Variants in PKNOX2 observed in about 807,000 individuals in gnomAD.
PKNOX2 encodes PBX/knotted 1 homeobox 2.
In PKNOX2, 14 loss-of-function variants were observed where a neutral mutation model predicts 53.1. The ratio of observed to expected loss-of-function variants is 0.26; its 90% CI spans 0.17 to 0.41. The LOEUF (loss-of-function observed/expected upper bound fraction) is 0.41, where lower values mean the gene tolerates loss of function less well. PKNOX2 is among the 10% of genes least tolerant of loss of function. PKNOX2 has a pLI of 1.00. For missense variants in PKNOX2, 496 were observed against 602.8 expected (o/e 0.82, Z 1.85); for synonymous variants, 257 against 242.8 (o/e 1.06, Z -0.54).
chr11:125,386,662 A>C (rs1953652987), intron 6 of PKNOX2, among the ~76,000 whole-genome samples: 1 of 151,856 alleles, frequency 6.6e-6, no homozygotes, highest in Non-Finnish European at 1.5e-5. Context: ...CTACTTCCAA[A>C]AGGGAAACAG....
chr11:125,301,690 TA>T (rs966830280), intron 2 of PKNOX2, among the ~76,000 whole-genome samples: 10 of 151,982 alleles, frequency 6.6e-5, no homozygotes, highest in Non-Finnish European at 1.5e-4. Flanking sequence ...TCATTAAAAA[TA>T]AAAAATAAAA....
chr11:125,389,317 A>ATC (rs1953874363), intron 6 of PKNOX2, among the ~76,000 whole-genome samples: 1 of 152,036 alleles, frequency 6.6e-6, no homozygotes, highest in African/African-American at 2.4e-5. Context: ...AGGTCAGCTG[A>ATC]CTCCTGATCC....
chr11:125,295,591 G>C (rs775767824), intron 2 of PKNOX2, among the ~76,000 whole-genome samples: 2 of 152,216 alleles, frequency 1.3e-5, no homozygotes, highest in Non-Finnish European at 2.9e-5. Context: ...AGTGGGAGAG[G>C]AGGGAAGCAG....
chr11:125,168,825 G>A (rs551658911), intron 1 of PKNOX2, among the ~76,000 whole-genome samples: 5 of 152,304 alleles, frequency 3.3e-5, no homozygotes, highest in South Asian at 2.1e-4. Context: ...ATAATACTGC[G>A]TTGTTAGCAA....
chr11:125,237,363 A>T (rs1438760222), intron 2 of PKNOX2, among the ~76,000 whole-genome samples: 1 of 152,208 alleles, frequency 6.6e-6, no homozygotes, highest in Admixed American at 6.5e-5. Context: ...GGTTTAAGAG[A>T]AGGGAACATA....
intron 2 of PKNOX2, among the ~76,000 whole-genome samples, chr11:125,320,704 A>G (rs1949471353): frequency 6.6e-6 from 1 of 152,238 alleles, no homozygotes; most frequent in Non-Finnish European, 1.5e-5. Context: ...TTTCACCTCA[A>G]CAAATATGAA....
chr11:125,393,318 C>T (rs535696448), intron 6 of PKNOX2, among the ~76,000 whole-genome samples: 3 of 151,990 alleles, frequency 2.0e-5, no homozygotes, highest in Non-Finnish European at 4.4e-5. Flanking sequence ...AGAAGTTCCT[C>T]GATGTTCTTG....
At chr11:125,235,334 A>T (rs1229183485) in intron 2 of PKNOX2, among the ~76,000 whole-genome samples, 1 of 152,196 alleles carries the variant, frequency 6.6e-6, no homozygotes, top group Non-Finnish European at 1.5e-5. Context: ...GACTATATTG[A>T]TTGTGCATTA....
chr11:125,236,057 T>A (rs1484834973), intron 2 of PKNOX2, among the ~76,000 whole-genome samples: 1 of 152,226 alleles, frequency 6.6e-6, no homozygotes, highest in Non-Finnish European at 1.5e-5. Context: ...TCCATGGAAT[T>A]ATAAATGATT....
chr11:125,201,881 G>A (rs2135405254), intron 1 of PKNOX2, among the ~76,000 whole-genome samples: 1 of 152,364 alleles, frequency 6.6e-6, no homozygotes, highest in South Asian at 2.1e-4. Context: ...CTAGGTTGGG[G>A]AAGAATGTGG....
At chr11:125,338,466 C>G (rs1343899530) in intron 3 of PKNOX2, among the ~76,000 whole-genome samples, 1 of 152,166 alleles carries the variant, frequency 6.6e-6, no homozygotes, top group Non-Finnish European at 1.5e-5. Flanking sequence ...CAAACTTGTG[C>G]CCTTGGGGAG....
chr11:125,200,655 C>G (rs1349330660), intron 1 of PKNOX2, among the ~76,000 whole-genome samples: 8 of 152,190 alleles, frequency 5.3e-5, no homozygotes, highest in Admixed American at 3.9e-4. Context: ...TCACCCATGC[C>G]CATGTTTCTC....
intron 2 of PKNOX2, among the ~76,000 whole-genome samples, chr11:125,257,487 C>G (rs1944496066): frequency 6.6e-6 from 1 of 152,206 alleles, no homozygotes; most frequent in Non-Finnish European, 1.5e-5. Context: ...TTTATTCCAG[C>G]AATGGTTAGG....
At chr11:125,198,285 AT>A (rs1224946484) in intron 1 of PKNOX2, among the ~76,000 whole-genome samples, 1 of 152,174 alleles carries the variant, frequency 6.6e-6, no homozygotes, top group African/African-American at 2.4e-5. Context: ...AAGACAAGGA[AT>A]TTTGTGTCTA....
intron 1 of PKNOX2, among the ~76,000 whole-genome samples, chr11:125,168,140 G>C (rs1955028241): frequency 6.6e-6 from 1 of 152,234 alleles, no homozygotes; most frequent in Admixed American, 6.5e-5. Flanking sequence ...GACTGGGGGA[G>C]GGGCTTTGCC....
intron 1 of PKNOX2, among the ~76,000 whole-genome samples, chr11:125,200,793 C>A (rs1938344406): frequency 6.6e-6 from 1 of 152,214 alleles, no homozygotes; most frequent in Non-Finnish European, 1.5e-5. Flanking sequence ...GTCACTGCAT[C>A]CCCAGTGCCC....
At chr11:125,230,459 C>T (rs75243067) in intron 1 of PKNOX2, among the ~76,000 whole-genome samples, 7 of 152,244 alleles carry the variant, frequency 4.6e-5, no homozygotes, top group African/African-American at 7.2e-5. Flanking sequence ...GTTGGAGGGA[C>T]GAGTGGTCCA....
chr11:125,313,949 C>A (rs1011458550), intron 2 of PKNOX2, among the ~76,000 whole-genome samples: 24 of 152,092 alleles, frequency 1.6e-4, no homozygotes, highest in African/African-American at 5.6e-4. Context: ...GGAGTGCAGC[C>A]CTGTGAGTTC....
intron 3 of PKNOX2, among the ~76,000 whole-genome samples, chr11:125,343,832 G>A (rs189704938): frequency 2.0e-5 from 3 of 152,276 alleles, no homozygotes; most frequent in East Asian, 1.9e-4. Context: ...CTCCTGCTCC[G>A]TGTTGTGAAG....
Sources: gnomAD v4.1 joint callset for allele counts (sites outside exome capture counted in the v4.1 genomes callset) on GRCh38, gnomAD v4.1.1 for gene constraint, MANE v1.5 for transcripts, NCBI Gene and HGNC (gene_info 2026-07-23, HGNC 2026-07-21) for gene names.